The following DIP2C variants were observed in gnomAD, a reference collection of about 807,000 sequenced individuals.
The protein encoded by DIP2C is disco-interacting protein 2 homolog C.
In DIP2C, 33 loss-of-function variants were observed where a neutral mutation model predicts 192.4. The observed-to-expected ratio is 0.17, with a 90% CI of 0.13 to 0.23. The LOEUF (loss-of-function observed/expected upper bound fraction) is 0.23, where lower values mean the gene tolerates loss of function less well. DIP2C is among the 10% of genes least tolerant of loss of function. The probability of loss-of-function intolerance (pLI) is 1.00; values close to 1 mark genes in which losing one functional copy is unlikely to be tolerated. For missense variants in DIP2C, 1,537 were observed against 2,110.1 expected (o/e 0.73, Z 5.32); for synonymous variants, 979 against 864.1 (o/e 1.13, Z -2.33).
chr10:480,780 C>G (rs1339551718), intron 2 of DIP2C, among the ~76,000 whole-genome samples: 1 of 152,242 alleles, frequency 6.6e-6, no homozygotes, highest in African/African-American at 2.4e-5. Context: ...TGGCAGAACA[C>G]GTCTCCGGCA....
At chr10:419,003 G>A (rs111236469) in intron 6 of DIP2C, 62 bp downstream of exon 6, 716 of 1,605,920 alleles carry the variant, frequency 4.5e-4, no homozygotes, top group South Asian at 9.3e-4. Flanking sequence ...TCATGGGCAC[G>A]GAACGGGACG....
chr10:426,729 C>A (rs1462688811), intron 4 of DIP2C, among the ~76,000 whole-genome samples: 2 of 152,134 alleles, frequency 1.3e-5, no homozygotes, highest in Non-Finnish European at 2.9e-5. Flanking sequence ...TGACAAACGT[C>A]TCAAGACAAT....
chr10:668,918 G>A (rs1214116802), intron 1 of DIP2C: 1 of 152,160 alleles, frequency 6.6e-6, no homozygotes, highest in African/African-American at 2.4e-5. Context: ...GGGGCCAGGA[G>A]CCTCAGTCAT....
chr10:336,915 TGTGTGTTGTGG>T, intron 29 of DIP2C, among the ~76,000 whole-genome samples: 1 of 91,510 alleles, frequency 1.1e-5, no homozygotes, highest in East Asian at 3.0e-4. Context: ...TGTGTGTGTG[TGTGTGTTGTGG>T]AGGCCTAGAC....
At chr10:497,483 T>C (rs1244101907) in intron 1 of DIP2C, among the ~76,000 whole-genome samples, 1 of 152,178 alleles carries the variant, frequency 6.6e-6, no homozygotes, top group African/African-American at 2.4e-5. Flanking sequence ...TCATCAGCAA[T>C]GGGGCAGCTC....
chr10:614,278 T>C (rs1423866465), intron 1 of DIP2C, among the ~76,000 whole-genome samples: 1 of 152,172 alleles, frequency 6.6e-6, no homozygotes, highest in Non-Finnish European at 1.5e-5. Flanking sequence ...GTGTATGGTG[T>C]GGATGATGGG....
chr10:478,466 T>G (rs1480341752), intron 2 of DIP2C, among the ~76,000 whole-genome samples: 2 of 150,592 alleles, frequency 1.3e-5, no homozygotes, highest in Non-Finnish European at 3.0e-5. Flanking sequence ...TCATCTCATG[T>G]CCGGGCATGC....
At chr10:544,208 C>T (rs1250744744) in intron 1 of DIP2C, among the ~76,000 whole-genome samples, 1 of 152,184 alleles carries the variant, frequency 6.6e-6, no homozygotes, top group Non-Finnish European at 1.5e-5. Flanking sequence ...TTGCACAGTG[C>T]TTGACCTTTG....
intron 1 of DIP2C, among the ~76,000 whole-genome samples, chr10:522,287 T>C (rs1408245087): frequency 3.9e-5 from 6 of 152,216 alleles, no homozygotes; most frequent in African/African-American, 9.6e-5. Context: ...TTGAATAATA[T>C]CCCAGTTTCT....
Position 444,427 on chromosome 10 carries a change from C to T in DIP2C, c.269-3431G>A, listed in dbSNP as rs542318167. On this transcript the variant is annotated intron_variant, in intron 3 of 36. Coordinates refer to ENST00000280886, the MANE Select transcript of DIP2C (RefSeq NM_014974.3). ...TGTTCCTTGGCGCTCTTCCATCATC[C>T]GAGACTCATGTAGATTCTCCATCAT... Among the ~76,000 whole-genome samples the T allele has an allele frequency of 1.2e-4, 18 of 144,814 alleles. No individual in the cohort carries two copies. In the East Asian group the frequency reaches 1.7e-3, roughly 14 times the overall value.
At chr10:478,983 GCTCCACAGAGGC>G (rs1279065975) in intron 2 of DIP2C, among the ~76,000 whole-genome samples, 1 of 152,128 alleles carries the variant, frequency 6.6e-6, no homozygotes, top group Admixed American at 6.5e-5. Flanking sequence ...AGCGCTCTGG[GCTCCACAGAGGC>G]CTCCACAGGA....
At chr10:492,462 T>C (rs1844515544) in intron 1 of DIP2C, among the ~76,000 whole-genome samples, 1 of 152,230 alleles carries the variant, frequency 6.6e-6, no homozygotes, top group Non-Finnish European at 1.5e-5. Context: ...TAAAGATCTT[T>C]TAAATAAGGT....
intron 7 of DIP2C, among the ~76,000 whole-genome samples, 172 bp from the exon 8 acceptor site, chr10:414,282 T>C (rs886238421): frequency 1.3e-5 from 2 of 152,176 alleles, no homozygotes; most frequent in Admixed American, 1.3e-4. Flanking sequence ...TCACGGATGC[T>C]GGTAAAAAAT....
chr10:344,606 G>A (rs1958335230), intron 28 of DIP2C, among the ~76,000 whole-genome samples: 1 of 152,198 alleles, frequency 6.6e-6, no homozygotes, highest in South Asian at 2.1e-4. Flanking sequence ...AAACATACTT[G>A]GGGCATTTGG....
chr10:615,515 C>T (rs1170984948), intron 1 of DIP2C, among the ~76,000 whole-genome samples: 5 of 152,124 alleles, frequency 3.3e-5, no homozygotes, highest in African/African-American at 4.8e-5. Context: ...AGACACTGCA[C>T]CAGACTTCAA....
At chr10:425,512 GAC>G (rs1234139143) in intron 4 of DIP2C, among the ~76,000 whole-genome samples, 2 of 136,308 alleles carry the variant, frequency 1.5e-5, no homozygotes, top group Admixed American at 7.3e-5. Context: ...TGACTAATAT[GAC>G]ACAGATGATA....
intron 17 of DIP2C, among the ~76,000 whole-genome samples, chr10:371,985 G>A (rs1205447191): frequency 6.6e-6 from 1 of 152,066 alleles, no homozygotes; most frequent in Non-Finnish European, 1.5e-5. Flanking sequence ...TGAGAACACT[G>A]ACCTGCCGGG....
intron 1 of DIP2C, among the ~76,000 whole-genome samples, chr10:605,360 C>G (rs1307068890): frequency 6.6e-6 from 1 of 152,244 alleles, no homozygotes; most frequent in African/African-American, 2.4e-5. Context: ...ACTACAGGTT[C>G]CAGAATTTCC....
chr10:315,912 T>A (rs892195946), intron 31 of DIP2C, among the ~76,000 whole-genome samples: 1 of 152,234 alleles, frequency 6.6e-6, no homozygotes, highest in Admixed American at 6.5e-5. Context: ...TTCAAGTTCA[T>A]TCAATGAGTC....
Sources: gnomAD v4.1 joint callset for allele counts (sites outside exome capture counted in the v4.1 genomes callset) on GRCh38, gnomAD v4.1.1 for gene constraint, MANE v1.5 for transcripts, NCBI Gene and HGNC (gene_info 2026-07-23, HGNC 2026-07-21) for gene names.